Variants in RFX3 observed in about 807,000 individuals in gnomAD.
The protein encoded by RFX3 is transcription factor RFX3.
Under a neutral mutation model 98.6 loss-of-function variants are expected in RFX3, and 14 were observed. The ratio of observed to expected loss-of-function variants is 0.14; its 90% CI spans 0.09 to 0.22. The LOEUF (loss-of-function observed/expected upper bound fraction) is 0.22, where lower values mean the gene tolerates loss of function less well. Among genes scored for constraint, RFX3 ranks in the 10% least tolerant of loss-of-function variants. The pLI is 1.00. For synonymous variants in RFX3, 383 were observed against 328.4 expected (o/e 1.17, Z -1.80); for missense variants, 639 against 926.9 (o/e 0.69, Z 4.03).
At chr9:3,346,834 T>C (rs779355324) in intron 2 of RFX3, 70 bp from the exon 3 acceptor site, 2 of 911,160 alleles carry the variant, frequency 2.2e-6, no homozygotes, top group Non-Finnish European at 3.7e-6. Context: ...ATTAGATCTA[T>C]CTCAAAGGTT....
At chr9:3,310,235 G>C (rs745994625) in intron 4 of RFX3, among the ~76,000 whole-genome samples, 4 of 152,114 alleles carry the variant, frequency 2.6e-5, no homozygotes, top group Non-Finnish European at 5.9e-5. Flanking sequence ...AACCAAAAGA[G>C]GCTCCCCTGG....
intron 1 of RFX3, among the ~76,000 whole-genome samples, chr9:3,403,531 G>C (rs1430243795): frequency 1.3e-5 from 2 of 152,114 alleles, no homozygotes; most frequent in African/African-American, 4.8e-5. Flanking sequence ...CAGCACACTG[G>C]TAACATATAC....
chr9:3,291,826 G>A (rs951218902), intron 6 of RFX3, among the ~76,000 whole-genome samples: 1 of 151,622 alleles, frequency 6.6e-6, no homozygotes, highest in African/African-American at 2.4e-5. Flanking sequence ...ACTTTGGGAG[G>A]CCGAGGCAGG....
At chr9:3,317,725 C>T (rs1219469779) in intron 4 of RFX3, among the ~76,000 whole-genome samples, 9 of 152,302 alleles carry the variant, frequency 5.9e-5, no homozygotes, top group South Asian at 2.1e-4. Flanking sequence ...TGAACAGACA[C>T]TTCTCAAAAG....
At chr9:3,226,940 T>G (rs538125170) in intron 16 of RFX3, among the ~76,000 whole-genome samples, 1 of 152,276 alleles carries the variant, frequency 6.6e-6, no homozygotes, top group East Asian at 1.9e-4. Context: ...TCCCTTATAT[T>G]ATCAAGAATA....
intron 7 of RFX3, among the ~76,000 whole-genome samples, chr9:3,280,560 G>C (rs1029545238): frequency 6.6e-6 from 1 of 151,680 alleles, no homozygotes; most frequent in African/African-American, 2.4e-5. Flanking sequence ...AAGAAGGAGG[G>C]AGTTTAACAG....
At chr9:3,423,809 A>ATATC (rs1843686644) in intron 1 of RFX3, among the ~76,000 whole-genome samples, 3 of 138,936 alleles carry the variant, frequency 2.2e-5, no homozygotes, top group South Asian at 2.2e-4. Flanking sequence ...ATATATATAT[A>ATATC]TATCTTAAGG....
chr9:3,450,596 T>C (rs1372313306), intron 1 of RFX3, among the ~76,000 whole-genome samples: 2 of 152,218 alleles, frequency 1.3e-5, no homozygotes, highest in African/African-American at 4.8e-5. Context: ...ATAGACTACA[T>C]GCTTGTTAAT....
chr9:3,233,419 C>T (rs1171907063), intron 15 of RFX3, among the ~76,000 whole-genome samples: 1 of 152,200 alleles, frequency 6.6e-6, no homozygotes, highest in African/African-American at 2.4e-5. Context: ...ACATTCAATT[C>T]AGCAACAGCT....
At chr9:3,468,866 T>G (rs184605249) in intron 1 of RFX3, among the ~76,000 whole-genome samples, 156 of 151,664 alleles carry the variant, frequency 1.0e-3, no homozygotes, top group African/African-American at 3.4e-3. Flanking sequence ...ACCGCATACT[T>G]TCATTACAAA....
intron 15 of RFX3, among the ~76,000 whole-genome samples, chr9:3,238,807 G>C (rs970960884): frequency 1.3e-5 from 2 of 152,122 alleles, no homozygotes; most frequent in Admixed American, 1.3e-4. Context: ...GACCGACATG[G>C]AGAAACCCCG....
intron 1 of RFX3, among the ~76,000 whole-genome samples, chr9:3,415,409 C>G (rs1842900610): frequency 6.6e-6 from 1 of 151,544 alleles, no homozygotes; most frequent in Non-Finnish European, 1.5e-5. Flanking sequence ...CACACCTGGC[C>G]AATGATTAGC....
chr9:3,222,659 T>C lies in RFX3; in HGVS notation c.*2383A>G, dbSNP rs551866929. On this transcript the variant is annotated 3_prime_UTR_variant, in exon 17 of 17. Transcript: ENST00000617270. ...AAAATGAAGAGTGTTTTTTCAATTT[T>C]TGATTTTAATTTTACCTGTAAACAC... 6.2e-4 allele frequency: 94 copies of C among 152,300 alleles called. No homozygotes were observed. The highest frequency in any genetic ancestry group is 2.2e-3 in the African/African-American group (90 of 41,574). The allele number at this position is 152,300 out of a possible 1,614,324, so 9.4% of individuals were successfully genotyped here. A position where few individuals can be genotyped will look rare whatever the true frequency, so the allele number is the denominator to read the frequency against.
chr9:3,296,972 G>C (rs12005769), intron 5 of RFX3, among the ~76,000 whole-genome samples: 1 of 152,084 alleles, frequency 6.6e-6, no homozygotes, highest in African/African-American at 2.4e-5. Flanking sequence ...CACAGTGATG[G>C]AATTATAAAT....
intron 15 of RFX3, among the ~76,000 whole-genome samples, chr9:3,236,070 A>G (rs1819117593): frequency 6.6e-6 from 1 of 152,130 alleles, no homozygotes; most frequent in South Asian, 2.1e-4. Context: ...GGACATAGCA[A>G]TTTTTTCCTC....
At chr9:3,366,127 C>T (rs746974284) in intron 2 of RFX3, among the ~76,000 whole-genome samples, 135 of 152,180 alleles carry the variant, frequency 8.9e-4, no homozygotes, top group Non-Finnish European at 1.5e-3. Context: ...TCCTAAATGT[C>T]TTGGCTCACA....
intron 15 of RFX3, among the ~76,000 whole-genome samples, chr9:3,232,157 T>C (rs993620466): frequency 2.0e-5 from 3 of 152,178 alleles, no homozygotes; most frequent in Middle Eastern, 3.2e-3. Context: ...TAGGGATTAT[T>C]ATGAAGTTGC....
chr9:3,415,108 ATATATATATACT>A (rs1054566858), intron 1 of RFX3, among the ~76,000 whole-genome samples: 3 of 92,496 alleles, frequency 3.2e-5, no homozygotes, highest in African/African-American at 2.4e-4. Flanking sequence ...ATATATAAGT[ATATATATATACT>A]TATATATATA....
chr9:3,284,435 G>C (rs944561959), intron 7 of RFX3, among the ~76,000 whole-genome samples: 1 of 151,418 alleles, frequency 6.6e-6, no homozygotes, highest in Non-Finnish European at 1.5e-5. Flanking sequence ...TCATTTTAGT[G>C]CAAAAAAATT....
Sources: gnomAD v4.1 joint callset for allele counts (sites outside exome capture counted in the v4.1 genomes callset) on GRCh38, gnomAD v4.1.1 for gene constraint, MANE v1.5 for transcripts, NCBI Gene and HGNC (gene_info 2026-07-23, HGNC 2026-07-21) for gene names.